The following PSMA1 variants were observed in gnomAD, a reference collection of about 807,000 sequenced individuals.
The protein encoded by PSMA1 is proteasome 20S subunit alpha 1, also known as proteasome subunit alpha type-1.
In PSMA1, 3 loss-of-function variants were observed where a neutral mutation model predicts 38.4. The ratio of observed to expected loss-of-function variants is 0.08; its 90% CI spans 0.04 to 0.20. The LOEUF is 0.20. Ranked by LOEUF, PSMA1 falls within the 10% of genes least tolerant of loss-of-function variation. The pLI, the probability that PSMA1 is intolerant of heterozygous loss-of-function variation, is 1.00. For synonymous variants in PSMA1, 101 were observed against 107.1 expected, an observed-to-expected ratio of 0.94 and a Z score of 0.35; for missense variants, 227 against 325.3, an observed-to-expected ratio of 0.70 and a Z score of 2.32.
intron 2 of PSMA1, among the ~76,000 whole-genome samples, chr11:14,571,553 A>G (rs2134178152): frequency 6.6e-6 from 1 of 152,080 alleles, no homozygotes; most frequent in African/African-American, 2.4e-5. Context: ...CAGCCACTGC[A>G]AAAACATGCC....
chr11:14,505,451 G>A (rs1019526796), intron 9 of PSMA1, among the ~76,000 whole-genome samples: 1 of 151,930 alleles, frequency 6.6e-6, no homozygotes, highest in African/African-American at 2.4e-5. Flanking sequence ...AGGGAATAAA[G>A]ATTTTTTATT....
Position 14,615,472 on chromosome 11 carries a change from C to T in PSMA1, c.-165-4321G>A, listed in dbSNP as rs1253372440. On this transcript the variant is annotated intron_variant, in intron 1 of 10. Transcript: ENST00000418988. The stretch of plus-strand genomic sequence containing the variant: ...TAATATTTTCCTACATCCCTCTCTT[C>T]CAGGCCTTGGATTGGCAGGGGCTGC... 5.9e-5 allele frequency among the ~76,000 whole-genome samples: 9 copies of T among 152,228 alleles called. No individual in the cohort carries two copies. The East Asian group carries it at 1.3e-3, about 23-fold the overall frequency.
rs754352708 is a variant in PSMA1, at chr11:14,510,966, T to C, written c.545-15A>G. 7.5e-6 allele frequency: 11 copies of C among 1,458,424 alleles called. No homozygotes were observed. The highest frequency in any genetic ancestry group is 9.4e-6 in the Non-Finnish European group (10 of 1,059,708). 90.3% of individuals were successfully genotyped at this position (1,458,424 alleles called of 1,614,324 possible). ...ATTTAAATTACCTATATGTAATAAA[T>C]TAACAATTATTTCTTAATTTCATTG... On this transcript the variant is annotated splice_polypyrimidine_tract_variant and intron_variant, in intron 7 of 9. Transcript: ENST00000396394.
intron 1 of PSMA1, among the ~76,000 whole-genome samples, chr11:14,638,539 CTCTCTCTATATATATATATATATATA>C (rs1292757391): frequency 0.023 from 437 of 19,158 alleles, 2 homozygotes; most frequent in Middle Eastern, 0.054. Flanking sequence ...CTCTCTCTCT[CTCTCTCTATATATATATATATATATA>C]TATATATATA....
intron 1 of PSMA1, among the ~76,000 whole-genome samples, chr11:14,613,998 T>G (rs1026957712): frequency 2.6e-5 from 4 of 152,200 alleles, no homozygotes; most frequent in African/African-American, 9.7e-5. Flanking sequence ...GAACTTACTA[T>G]GAGAAAAGAA....
At chr11:14,511,008 T>G in intron 7 of PSMA1, 57 bp from the exon 8 acceptor site, 1 of 1,227,106 alleles carries the variant, frequency 8.1e-7, no homozygotes, top group South Asian at 1.4e-5. Context: ...TAGGCTTCTG[T>G]TATTTATCAA....
intron 2 of PSMA1, among the ~76,000 whole-genome samples, chr11:14,606,624 GC>G (rs1342058475): frequency 7.2e-5 from 11 of 152,078 alleles, no homozygotes; most frequent in African/African-American, 1.7e-4. Context: ...TGCATCAAAA[GC>G]CTTTATCATG....
At chr11:14,593,947 A>G (rs1392133263) in intron 2 of PSMA1, among the ~76,000 whole-genome samples, 1 of 152,240 alleles carries the variant, frequency 6.6e-6, no homozygotes, top group Non-Finnish European at 1.5e-5. Flanking sequence ...TAAATGCTGT[A>G]GGAATGAATA....
chr11:14,542,114 A>G (rs928921792), intron 2 of PSMA1, among the ~76,000 whole-genome samples: 2 of 152,254 alleles, frequency 1.3e-5, no homozygotes, highest in Non-Finnish European at 2.9e-5. Flanking sequence ...ACAATTCTAT[A>G]TTAAAAATTC....
chr11:14,590,485 A>G (rs1055297571), intron 2 of PSMA1, among the ~76,000 whole-genome samples: 3 of 152,236 alleles, frequency 2.0e-5, no homozygotes, highest in Non-Finnish European at 4.4e-5. Context: ...TGAAGGATTC[A>G]TTGAATGCTG....
At chr11:14,523,265 A>G (rs910125329), upstream of PSMA1, among the ~76,000 whole-genome samples, 1 of 152,154 alleles carries the variant, frequency 6.6e-6, no homozygotes, top group African/African-American at 2.4e-5. Context: ...GTTAAAAACA[A>G]CAACAACAAC....
chr11:14,535,168 T>TTC (rs1554968259), intron 2 of PSMA1, among the ~76,000 whole-genome samples: 1 of 151,660 alleles, frequency 6.6e-6, no homozygotes, highest in African/African-American at 2.4e-5. Context: ...GGTTTTTTTT[T>TTC]TTTCTGGCAA....
intron 1 of PSMA1, among the ~76,000 whole-genome samples, chr11:14,618,838 G>C (rs1852806706): frequency 6.6e-6 from 1 of 152,206 alleles, no homozygotes; most frequent in Admixed American, 6.5e-5. Context: ...ATTTGTGTAT[G>C]ATTTTACAGT....
intron 2 of PSMA1, among the ~76,000 whole-genome samples, chr11:14,598,682 T>C (rs1252559897): frequency 1.3e-5 from 2 of 149,804 alleles, no homozygotes; most frequent in East Asian, 1.9e-4. Context: ...CTGATGGGTC[T>C]TGACTCTTTA....
chr11:14,514,272 C>A, intron 5 of PSMA1, 131 bp downstream of exon 5: 3 of 1,383,500 alleles, frequency 2.2e-6, no homozygotes, highest in South Asian at 1.9e-5. Context: ...AATGAAAGAG[C>A]AATCCAATTT....
At chr11:14,638,189 G>GT (rs945602989) in intron 1 of PSMA1, among the ~76,000 whole-genome samples, 5 of 152,104 alleles carry the variant, frequency 3.3e-5, no homozygotes, top group Non-Finnish European at 7.3e-5. Flanking sequence ...TGACGCTAAA[G>GT]TTTCCTTCCT....
At chr11:14,520,467 C>A (rs917953783), upstream of PSMA1, 2 of 1,530,788 alleles carry the variant, frequency 1.3e-6, no homozygotes, top group East Asian at 4.6e-5. Flanking sequence ...AACACTTCCC[C>A]CTCCTTAAAA....
At chr11:14,632,113 T>C (rs1452403228) in intron 1 of PSMA1, among the ~76,000 whole-genome samples, 1 of 142,874 alleles carries the variant, frequency 7.0e-6, no homozygotes, top group Non-Finnish European at 1.5e-5. Flanking sequence ...GTCTTGACTC[T>C]TTATCCAATT....
chr11:14,518,093 T>A (rs2575849), intron 2 of PSMA1, 112 bp from the exon 3 acceptor site: 465,820 of 727,942 alleles, frequency 0.64, 152,448 homozygotes, highest in East Asian at 0.7. Context: ...ATTTTTTTTT[T>A]AATCAAGAGA....
Sources: gnomAD v4.1 joint callset for allele counts (sites outside exome capture counted in the v4.1 genomes callset) on GRCh38, gnomAD v4.1.1 for gene constraint, MANE v1.5 for transcripts, NCBI Gene and HGNC (gene_info 2026-07-23, HGNC 2026-07-21) for gene names.